Variants in TMC8 observed in about 807,000 individuals in gnomAD.
TMC8 encodes the protein transmembrane channel like 8, also known as transmembrane channel-like protein 8.
A neutral mutation model predicts 76.0 loss-of-function variants in TMC8; 71 were observed. The observed-to-expected ratio is 0.93, with a 90% CI of 0.77 to 1.14. TMC8 has a LOEUF of 1.14. Among genes scored for constraint, TMC8 ranks in the 50% most tolerant of loss-of-function variants. TMC8 has a pLI of 0.00. For missense variants in TMC8, 924 were observed against 947.9 expected (o/e 0.97, Z 0.33); for synonymous variants, 433 against 433.8 (o/e 1.00, Z 0.02).
chr17:78,141,215 G>A lies in TMC8; in HGVS notation c.*103G>A, dbSNP rs1011407962. ...CACCGCCCCTCTCAGTGGCTCCAGGGCCTCCCTCAGAGGTCCCCAAAGATG... is the reference window on the plus strand; with the variant it reads ...CACCGCCCCTCTCAGTGGCTCCAGGACCTCCCTCAGAGGTCCCCAAAGATG... On this transcript the variant is annotated 3_prime_UTR_variant, in exon 16 of 16. Transcript: ENST00000318430. The A allele has an allele frequency of 2.3e-5, 13 of 576,144 alleles. No individual in the cohort carries two copies. In the South Asian group the frequency reaches 4.1e-4, roughly 18 times the overall value. The allele number at this position is 576,144 out of a possible 1,614,324, so 35.7% of individuals were successfully genotyped here.
At position 78,132,886 on chromosome 17, in the gene TMC8, C is replaced by T; in HGVS notation, c.531+16C>T. On this transcript the variant is annotated intron_variant, in intron 5 of 15. Transcript: ENST00000318430. ...GACTGGCAGGGTGAGTGAGGTCTGT[C>T]CCGGCTATGGTCCAGAGTCTGGGAG... The T allele has an allele frequency of 2.5e-6, 4 of 1,613,886 alleles. No homozygotes were observed. Among genetic ancestry groups the T allele is most frequent in the Non-Finnish European group, 3.4e-6 (4 of 1,179,766 alleles).
rs2074943492 is a variant in TMC8 at position 78,130,776 on chromosome 17, C to G, written c.-384C>G. 1.3e-5 allele frequency: 2 copies of G among 152,350 alleles called. No individual in the cohort carries two copies. The highest frequency in any genetic ancestry group is 2.4e-5 in the African/African-American group (1 of 41,442). 9.4% of individuals were successfully genotyped at this position (152,350 alleles called of 1,614,324 possible). ...TCATATGACCCCTCCTCTGGGCTCCCTCACCACCCTGCCTGGCTTGGCAGG... is the reference window on the plus strand; with the variant it reads ...TCATATGACCCCTCCTCTGGGCTCCGTCACCACCCTGCCTGGCTTGGCAGG... On this transcript the variant is annotated 5_prime_UTR_variant, in exon 1 of 16. Transcript: ENST00000318430.
Position 78,132,027 on chromosome 17 carries a change from G to C in TMC8, c.295G>C (p.Gly99Arg). ...CTGGGAGGGGGCGCTCTACGAGATC[G>C]GGGGTAGGACCCGCGCGACCCGCAC... The part of the protein sequence containing the change: ...GLWEGALYEI[G>R]GLFGTGIRSY... Residue 99 changes from glycine to arginine, a missense_variant, in exon 3 of 16, where the codon GGG (glycine) becomes CGG (arginine). Physicochemically the swap from Gly to Arg is moderately radical, Grantham distance 125. Transcript: ENST00000318430. The C allele has an allele frequency of 6.5e-7, 1 of 1,533,982 alleles. No homozygotes were observed. Among genetic ancestry groups the C allele is most frequent in the Non-Finnish European group, 8.7e-7 (1 of 1,145,990 alleles).
At chr17:78,140,710 C>A in intron 15 of TMC8, 124 bp from the exon 16 acceptor site, 1 of 1,325,710 alleles carries the variant, frequency 7.5e-7, no homozygotes, top group Non-Finnish European at 1.1e-6. Context: ...TCGGGCGGGG[C>A]GTGGCCTCTG....
At chr17:78,137,492 CGCACACCTCCAGGGGGCGCCACTGCT>C (rs1567802809) in intron 10 of TMC8, 134 bp downstream of exon 10, 23 of 1,493,800 alleles carry the variant, frequency 1.5e-5, no homozygotes, top group Non-Finnish European at 2.1e-5. Flanking sequence ...CCTGCACCGC[CGCACACCTCCAGGGGGCGCCACTGCT>C]GCCACATGGT....
intron 8 of TMC8, 40 bp downstream of exon 8, chr17:78,134,604 G>A (rs2075170291): frequency 6.2e-7 from 1 of 1,610,756 alleles, no homozygotes; most frequent in African/African-American, 1.3e-5. Context: ...GGCCAGAACT[G>A]CGGGGGTGAG....
Position 78,141,793 on chromosome 17 carries a change from G to A in TMC8, c.*681G>A, listed in dbSNP as rs2075376968. 1 of 152,294 alleles carries A rather than the reference G, an allele frequency of 6.6e-6. No homozygotes were observed. Among genetic ancestry groups the A allele is most frequent in the South Asian group, 2.1e-4 (1 of 4,834 alleles). The allele number at this position is 152,294 out of a possible 1,614,324, so 9.4% of individuals were successfully genotyped here. A position where few individuals can be genotyped will look rare whatever the true frequency, so the allele number is the denominator to read the frequency against. ...CGTGCTGGGTCAGCCTCTCCCTGGC[G>A]GGAATCCTCTCCGTCCAGTCTTCTA... On this transcript the variant is annotated 3_prime_UTR_variant, in exon 16 of 16. Transcript: ENST00000318430.
intron 7 of TMC8, 62 bp downstream of exon 7, chr17:78,134,062 A>G (rs1434828076): frequency 6.2e-7 from 1 of 1,610,136 alleles, no homozygotes; most frequent in Non-Finnish European, 8.5e-7. Context: ...CGAGTGCGTG[A>G]GAGCCACGTG....
At position 78,138,086 on chromosome 17, in the gene TMC8, C is replaced by T. The variant is rs1330147141; in HGVS notation, c.1431C>T (p.Asp477=). The T allele has an allele frequency of 2.5e-6, 4 of 1,614,084 alleles. No homozygotes were observed. Among genetic ancestry groups the T allele is most frequent in the South Asian group, 1.1e-5 (1 of 91,090 alleles). Residue 477 remains aspartate, a synonymous_variant, in exon 12 of 16, where the codon GAC becomes GAT. Transcript: ENST00000318430. ...TCCTGGTCCCCAAGAATGTGCTGGACATCGTGGCGGGGCAGACGGTCACCT... is the reference window on the plus strand; with the variant it reads ...TCCTGGTCCCCAAGAATGTGCTGGATATCGTGGCGGGGCAGACGGTCACCT... ...EEFLVPKNVL[D]IVAGQTVTWM... is the part of the protein sequence containing the mutation.
Position 78,142,770 on chromosome 17 carries a change from C to T in TMC8, c.*1658C>T, listed in dbSNP as rs945708005. 3 of 152,282 alleles carry T rather than the reference C, an allele frequency of 2.0e-5. No individual in the cohort carries two copies. The highest frequency in any genetic ancestry group is 7.2e-5 in the African/African-American group (3 of 41,450). The allele number at this position is 152,282 out of a possible 1,614,324, so 9.4% of individuals were successfully genotyped here. ...AAATGAACATTCCCAGGCCCCACCT[C>T]AGCCTCCTGAATCAGAGCATCCCTT... On this transcript the variant is annotated 3_prime_UTR_variant, in exon 16 of 16. Transcript: ENST00000318430.
At position 78,138,349 on chromosome 17, in the gene TMC8, T is replaced by A; in HGVS notation, c.1534T>A (p.Tyr512Asn). The change falls in exon 13 of 16, where the codon TAC becomes AAC. Residue 512 changes from tyrosine to asparagine, a missense_variant and splice_region_variant. Physicochemically the swap from Tyr to Asn is moderately radical, Grantham distance 143. Coordinates refer to ENST00000318430, the MANE Select transcript of TMC8 (RefSeq NM_152468.5). Reference protein sequence around the residue: ...FLFLTFYIKKYTLLKNSRASS... With the variant: ...FLFLTFYIKKNTLLKNSRASS... ...TGGTTGCTATTGCTTGCGCCCCCAG[T>A]ACACCCTCCTGAAGAACTCCAGGGC... 1.9e-6 allele frequency: 3 copies of A among 1,610,818 alleles called. No individual in the cohort carries two copies. Among genetic ancestry groups the A allele is most frequent in the Non-Finnish European group, 2.5e-6 (3 of 1,179,996 alleles).
At chr17:78,140,771 T>G in intron 15 of TMC8, 63 bp from the exon 16 acceptor site, 1 of 1,560,662 alleles carries the variant, frequency 6.4e-7, no homozygotes, top group Non-Finnish European at 8.7e-7. Flanking sequence ...CTGCCGCTGC[T>G]GTCCTCACAC....
At chr17:78,133,304 C>A in intron 5 of TMC8, 102 bp from the exon 6 acceptor site, 1 of 1,582,544 alleles carries the variant, frequency 6.3e-7, no homozygotes, top group Non-Finnish European at 8.6e-7. Context: ...CACTCCCTAC[C>A]TGATGGGGGG....
intron 9 of TMC8, among the ~76,000 whole-genome samples, chr17:78,135,821 G>C (rs1448612074): frequency 2.0e-5 from 3 of 152,150 alleles, no homozygotes; most frequent in Non-Finnish European, 2.9e-5. Flanking sequence ...ACTTTGGGAG[G>C]CCAAGGTGGA....
Position 78,136,674 on chromosome 17 carries a change from G to T in TMC8, c.1128-561G>T, listed in dbSNP as rs576762300. The T allele has an allele frequency of 1.9e-4, 35 of 184,124 alleles. No individual in the cohort carries two copies. The South Asian group carries it at 3.1e-3, about 17-fold the overall frequency. The allele number at this position is 184,124 out of a possible 1,614,324, so 11.4% of individuals were successfully genotyped here. A position where few individuals can be genotyped will look rare whatever the true frequency, so the allele number is the denominator to read the frequency against. The stretch of plus-strand genomic sequence containing the variant: ...AGTCAGGATCCTGAAAAGGCCACAG[G>T]CTTCTCCACCGCAGGGCTTGCTGCA... On this transcript the variant is annotated intron_variant, in intron 9 of 15. Transcript: ENST00000318430.
rs1490275300 is a variant in TMC8 at position 78,130,851 on chromosome 17, G to C, written c.-309G>C. Reference sequence around the variant, plus strand: ...CAGGGACTTGGTCCCTAGGTCCCCAGGTGAGCTGGATGTCCAGTGGAGGGA... The same window carrying C: ...CAGGGACTTGGTCCCTAGGTCCCCACGTGAGCTGGATGTCCAGTGGAGGGA... On this transcript the variant is annotated splice_region_variant and 5_prime_UTR_variant, in exon 1 of 16. Coordinates refer to ENST00000318430, the MANE Select transcript of TMC8 (RefSeq NM_152468.5). 1 of 153,362 alleles carries C rather than the reference G, an allele frequency of 6.5e-6. No homozygotes were observed. The highest frequency in any genetic ancestry group is 1.5e-5 in the Non-Finnish European group (1 of 68,720). 9.5% of individuals were successfully genotyped at this position (153,362 alleles called of 1,614,324 possible).
At chr17:78,136,284 C>T (rs1171110616) in intron 9 of TMC8, among the ~76,000 whole-genome samples, 2 of 152,032 alleles carry the variant, frequency 1.3e-5, no homozygotes, top group East Asian at 3.9e-4. Context: ...GGCAACATGG[C>T]AAGACCCCGT....
In TMC8 at chr17:78,131,356, G is replaced by A. The variant is rs2074959263; in HGVS notation, c.-233G>A. Reference sequence around the variant, plus strand: ...GCTGGGCCCGAATTCGACCGCAGCAGGATTCTCTCTCATTTCTGAGCCCCG... The same window carrying A: ...GCTGGGCCCGAATTCGACCGCAGCAAGATTCTCTCTCATTTCTGAGCCCCG... On this transcript the variant is annotated 5_prime_UTR_variant, in exon 2 of 16. Transcript: ENST00000318430. 2 of 618,578 alleles carry A rather than the reference G, an allele frequency of 3.2e-6. No individual in the cohort carries two copies. Among genetic ancestry groups the A allele is most frequent in the African/African-American group, 1.9e-5 (1 of 54,050 alleles). The allele number at this position is 618,578 out of a possible 1,614,324, so 38.3% of individuals were successfully genotyped here. A position where few individuals can be genotyped will look rare whatever the true frequency, so the allele number is the denominator to read the frequency against.
At chr17:78,135,522 G>A (rs933658920) in intron 9 of TMC8, among the ~76,000 whole-genome samples, 2 of 152,084 alleles carry the variant, frequency 1.3e-5, no homozygotes, top group Admixed American at 6.5e-5. Context: ...GGGCTCAAGC[G>A]ATCCTCCCGC....
Sources: gnomAD v4.1 joint callset for allele counts (sites outside exome capture counted in the v4.1 genomes callset) on GRCh38, gnomAD v4.1.1 for gene constraint, MANE v1.5 for transcripts, NCBI Gene and HGNC (gene_info 2026-07-23, HGNC 2026-07-21) for gene names.